The following ZFYVE9 variants were observed in gnomAD, a reference collection of about 807,000 sequenced individuals.
ZFYVE9 encodes the protein zinc finger FYVE-type containing 9.
Under a neutral mutation model 126.7 loss-of-function variants are expected in ZFYVE9, and 43 were observed. The ratio of observed to expected loss-of-function variants is 0.34; its 90% CI spans 0.27 to 0.44. The LOEUF (loss-of-function observed/expected upper bound fraction) is 0.44. Ranked by LOEUF, ZFYVE9 falls within the 20% of genes least tolerant of loss-of-function variation. ZFYVE9 has a pLI of 1.00. For synonymous variants in ZFYVE9, 521 were observed against 597.4 expected, an observed-to-expected ratio of 0.87 and a Z score of 1.87; for missense variants, 1,476 against 1,697.0, an observed-to-expected ratio of 0.87 and a Z score of 2.29.
Position 52,274,518 on chromosome 1 carries a change from A to G in ZFYVE9, c.2680A>G (p.Ser894Gly). The G allele has an allele frequency of 6.2e-7, 1 of 1,612,906 alleles. No homozygotes were observed. Among genetic ancestry groups the G allele is most frequent in the South Asian group, 1.1e-5 (1 of 90,946 alleles). The change falls in exon 8 of 19, where the codon AGT (serine) becomes GGT (glycine). Residue 894 changes from serine to glycine, a missense_variant. Around this residue, in one of 2 missense-constraint regions of ZFYVE9, gnomAD observed 669 missense variants for 902.4 expected, o/e 0.74. Coordinates refer to ENST00000287727, the MANE Select transcript of ZFYVE9 (RefSeq NM_004799.4). Reference sequence around the variant, plus strand: ...AACTCAGGTTGGAAGTCCTGTTGGAAGTGCAATGAATCTTATTCCTGAAGA... The same window carrying G: ...AACTCAGGTTGGAAGTCCTGTTGGAGGTGCAATGAATCTTATTCCTGAAGA... ...SITQVGSPVGSAMNLIPEDGL... is the reference protein window; with the variant it reads ...SITQVGSPVGGAMNLIPEDGL...
chr1:52,327,942 C>G (rs930945636), intron 13 of ZFYVE9, among the ~76,000 whole-genome samples: 1 of 151,744 alleles, frequency 6.6e-6, no homozygotes, highest in African/African-American at 2.4e-5. Context: ...CCACTGCACT[C>G]CAGCCTGGCC....
chr1:52,331,568 C>T (rs574017959), intron 13 of ZFYVE9, among the ~76,000 whole-genome samples: 3 of 151,248 alleles, frequency 2.0e-5, no homozygotes, highest in African/African-American at 2.4e-5. Context: ...CTGGCTAACA[C>T]GGTGAAACCT....
chr1:52,329,632 G>A (rs1215355137), intron 13 of ZFYVE9, among the ~76,000 whole-genome samples: 3 of 152,136 alleles, frequency 2.0e-5, no homozygotes, highest in African/African-American at 7.2e-5. Context: ...TCGGCCGGGC[G>A]CGGTGGCACA....
At chr1:52,298,354 C>G (rs756549755) in intron 12 of ZFYVE9, among the ~76,000 whole-genome samples, 22 of 152,122 alleles carry the variant, frequency 1.4e-4, no homozygotes, top group Admixed American at 1.3e-4. Context: ...TAGTTTCATT[C>G]TTCTGCATGT....
At chr1:52,301,168 C>T (rs975212177) in intron 12 of ZFYVE9, among the ~76,000 whole-genome samples, 1 of 151,518 alleles carries the variant, frequency 6.6e-6, no homozygotes, top group Non-Finnish European at 1.5e-5. Context: ...CCCGAGTTTT[C>T]TTCTTTGAGT....
At position 52,245,145 on chromosome 1, in the gene ZFYVE9, CAG is replaced by C. The variant is rs537066760; in HGVS notation, c.2178+5558_2178+5559del. Reference sequence around the variant, plus strand: ...CGCCACTGCACTCCAGCCTGGGTGACAGAGAGAGACTCTGTCTCAAAAAAAAA... The same window carrying C: ...CGCCACTGCACTCCAGCCTGGGTGACAGAGAGACTCTGTCTCAAAAAAAAA... On this transcript the variant is annotated intron_variant, in intron 4 of 18. Coordinates refer to ENST00000287727, the MANE Select transcript of ZFYVE9 (RefSeq NM_004799.4). 3.5e-4 allele frequency among the ~76,000 whole-genome samples: 52 copies of C among 149,592 alleles called. 2 individuals are homozygous for C. In the East Asian group the frequency reaches 8.4e-3, roughly 24 times the overall value.
At position 52,238,269 on chromosome 1, in the gene ZFYVE9, A is replaced by G. The variant is rs1214996601; in HGVS notation, c.852A>G (p.Gln284=). ...GTDGCPAVKK[Q]ENYIPDEDLT... ...ATGGATGTCCTGCTGTTAAAAAGCA[A>G]GAGAACTATATACCAGATGAGGACC... Residue 284 remains glutamine (Q), a synonymous_variant, in exon 4 of 19, where the codon CAA becomes CAG. Transcript: ENST00000287727. 4 of 1,614,090 alleles carry G rather than the reference A, an allele frequency of 2.5e-6. No homozygotes were observed. The highest frequency in any genetic ancestry group is 1.7e-5 in the Admixed American group (1 of 60,026).
intron 4 of ZFYVE9, among the ~76,000 whole-genome samples, chr1:52,263,428 A>G (rs1396427490): frequency 6.6e-6 from 1 of 152,194 alleles, no homozygotes; most frequent in African/African-American, 2.4e-5. Context: ...CGGAAATAGC[A>G]CATGTAACTA....
At chr1:52,272,277 C>G (rs893022359) in intron 7 of ZFYVE9, among the ~76,000 whole-genome samples, 9 of 152,216 alleles carry the variant, frequency 5.9e-5, no homozygotes, top group African/African-American at 2.2e-4. Context: ...TGTATACACA[C>G]ACAAACACAC....
chr1:52,269,518 A>T (rs1645667980), intron 7 of ZFYVE9, among the ~76,000 whole-genome samples: 2 of 152,300 alleles, frequency 1.3e-5, no homozygotes, highest in Middle Eastern at 3.4e-3. Context: ...ATTTTTTTAG[A>T]CATTTACATC....
At chr1:52,164,231 T>A (rs1644491662) in intron 1 of ZFYVE9, among the ~76,000 whole-genome samples, 1 of 152,012 alleles carries the variant, frequency 6.6e-6, no homozygotes, top group African/African-American at 2.4e-5. Flanking sequence ...GTTTGTTTTT[T>A]AAGATGGGGT....
At chr1:52,254,284 C>CT (rs1272918481) in intron 4 of ZFYVE9, 5 of 171,204 alleles carry the variant, frequency 2.9e-5, no homozygotes, top group African/African-American at 1.2e-4. Context: ...TTATTTGCAA[C>CT]TTTATATATA....
At chr1:52,288,760 T>A (rs887590111) in intron 10 of ZFYVE9, among the ~76,000 whole-genome samples, 14 of 151,958 alleles carry the variant, frequency 9.2e-5, no homozygotes, top group Non-Finnish European at 2.1e-4. Context: ...ACCCTGTCTC[T>A]GCTAAAAATA....
intron 8 of ZFYVE9, 46 bp downstream of exon 8, chr1:52,274,630 T>C: frequency 6.6e-7 from 1 of 1,519,194 alleles, no homozygotes; most frequent in Non-Finnish European, 8.9e-7. Flanking sequence ...ATCTGCCAAA[T>C]GTTACCTTCT....
chr1:52,248,250 G>A (rs1052151673), intron 4 of ZFYVE9, among the ~76,000 whole-genome samples: 1 of 152,132 alleles, frequency 6.6e-6, no homozygotes, highest in African/African-American at 2.4e-5. Flanking sequence ...GGCTGCTAGT[G>A]CAAGTCTTAG....
At chr1:52,313,890 A>G (rs916762711) in intron 13 of ZFYVE9, among the ~76,000 whole-genome samples, 2 of 152,244 alleles carry the variant, frequency 1.3e-5, no homozygotes, top group Admixed American at 1.3e-4. Context: ...ACTCGTGATC[A>G]TGAAAACATA....
chr1:52,255,938 C>CTTTTCTTTTCTTTTCTTTTCTT (rs1645506997), intron 4 of ZFYVE9, among the ~76,000 whole-genome samples: 10 of 124,328 alleles, frequency 8.0e-5, no homozygotes, highest in African/African-American at 3.6e-4. Context: ...CTTTTCTTTT[C>CTTTTCTTTTCTTTTCTTTTCTT]TTTTCTTTTC....
At chr1:52,298,022 G>A (rs1557507307) in intron 12 of ZFYVE9, among the ~76,000 whole-genome samples, 1 of 152,032 alleles carries the variant, frequency 6.6e-6, no homozygotes, top group Non-Finnish European at 1.5e-5. Context: ...TTGCTGCTAG[G>A]TTAAATTTGT....
chr1:52,259,928 T>C (rs1402481713), intron 4 of ZFYVE9, among the ~76,000 whole-genome samples: 1 of 152,246 alleles, frequency 6.6e-6, no homozygotes, highest in Middle Eastern at 3.2e-3. Flanking sequence ...TTCCATTTTA[T>C]GGGTATACTG....
Sources: allele counts gnomAD v4.1 joint callset (sites outside exome capture counted in the v4.1 genomes callset), GRCh38; gene constraint gnomAD v4.1.1; regional missense constraint gnomAD v4.1.1; transcripts MANE v1.5; gene names NCBI Gene and HGNC (gene_info 2026-07-23, HGNC 2026-07-21).